LHFPL1: variants seen among roughly 807,000 people sequenced by gnomAD.
LHFPL1 encodes the protein LHFPL tetraspan subfamily member 1.
A neutral mutation model predicts 12.1 loss-of-function variants in LHFPL1; 4 were observed. The observed-to-expected ratio is 0.33, with a 90% CI of 0.16 to 0.76. The LOEUF (loss-of-function observed/expected upper bound fraction) is 0.76. Ranked by LOEUF, LHFPL1 falls within the 30% of genes least tolerant of loss-of-function variation. The pLI, the probability that LHFPL1 is intolerant of heterozygous loss-of-function variation, is 0.61. For synonymous variants in LHFPL1, 52 were observed against 61.9 expected (o/e 0.84, Z 0.75); for missense variants, 141 against 174.1 (o/e 0.81, Z 1.07).
chrX:112,671,169 A>AT lies in LHFPL1; in HGVS notation c.221dup (p.Asn74LysfsTer71), dbSNP rs757940843. On this transcript the variant is annotated frameshift_variant, in exon 2 of 4. Coordinates refer to ENST00000371968, the MANE Select transcript of LHFPL1 (RefSeq NM_178175.4). LOFTEE classifies it high-confidence loss of function. ...TCTGCCAGGCCAGGCTTGGGATGGC[A>AT]TTGAAGCTGGCATAGCGCCCACATT... The AT allele has an allele frequency of 1.3e-5, 16 of 1,210,919 alleles. No homozygotes were observed. In the East Asian group the frequency reaches 4.7e-4, roughly 36 times the overall value.
chrX:112,665,213 C>T (rs182639863), intron 2 of LHFPL1, among the ~76,000 whole-genome samples: 2 of 101,099 alleles, frequency 2.0e-5, no homozygotes, highest in Non-Finnish European at 2.0e-5. Flanking sequence ...TTTTTTGAGT[C>T]GGAGTCTCAC....
intron 3 of LHFPL1, among the ~76,000 whole-genome samples, chrX:112,658,379 C>A (rs1206442590): frequency 9.5e-6 from 1 of 104,964 alleles, no homozygotes; most frequent in East Asian, 2.9e-4. Flanking sequence ...GAGCAGAGAT[C>A]GCACCACTGC....
rs765071482 is a variant in LHFPL1, at chrX:112,641,194, G to A, written c.482-9593C>T. On this transcript the variant is annotated intron_variant, in intron 3 of 3. Transcript: ENST00000371968. ...ACTTTTCCAGGTCCAAGGTTCCTGG[G>A]TAATGACAAATGCCACAAATAATAC... Among the ~76,000 whole-genome samples, 4 of 111,589 alleles carry A rather than the reference G, an allele frequency of 3.6e-5. No homozygotes were observed. The South Asian group carries it at 1.5e-3, about 43-fold the overall frequency.
intron 2 of LHFPL1, among the ~76,000 whole-genome samples, chrX:112,669,287 G>A (rs1569367755): frequency 2.7e-5 from 3 of 112,256 alleles, no homozygotes; most frequent in South Asian, 3.7e-4. Flanking sequence ...TAATTATAGC[G>A]TGTTTAAAAA....
chrX:112,662,277 G>A (rs754802263), intron 2 of LHFPL1, among the ~76,000 whole-genome samples: 1 of 112,285 alleles, frequency 8.9e-6, no homozygotes, highest in South Asian at 3.7e-4. Context: ...AATGGTGAAT[G>A]AATAGCATAT....
At chrX:112,673,967 A>G (rs1931583788) in intron 1 of LHFPL1, among the ~76,000 whole-genome samples, 1 of 112,024 alleles carries the variant, frequency 8.9e-6, no homozygotes, top group African/African-American at 3.3e-5. Flanking sequence ...CCTCATGGAC[A>G]TCATCACCTG....
At chrX:112,652,958 C>G (rs929138897) in intron 3 of LHFPL1, among the ~76,000 whole-genome samples, 21 of 111,615 alleles carry the variant, frequency 1.9e-4, no homozygotes, top group South Asian at 3.8e-4. Context: ...TCTGGAGGCA[C>G]AGAGATGTAA....
chrX:112,677,237 T>C (rs1327574444), intron 1 of LHFPL1, among the ~76,000 whole-genome samples: 1 of 111,790 alleles, frequency 8.9e-6, no homozygotes, highest in Non-Finnish European at 1.9e-5. Flanking sequence ...AGCACTGCCT[T>C]TCCCAGGGTA....
At chrX:112,637,439 AAT>A (rs1213577873) in intron 3 of LHFPL1, among the ~76,000 whole-genome samples, 1 of 111,490 alleles carries the variant, frequency 9.0e-6, no homozygotes, top group Admixed American at 9.6e-5. Flanking sequence ...GCCCCAAACC[AAT>A]GCTTGTGGTG....
chrX:112,641,221 A>C (rs1472619354), intron 3 of LHFPL1, among the ~76,000 whole-genome samples: 1 of 111,222 alleles, frequency 9.0e-6, no homozygotes, highest in Non-Finnish European at 1.9e-5. Flanking sequence ...AAATAATACC[A>C]CCCAATATGA....
intron 2 of LHFPL1, among the ~76,000 whole-genome samples, chrX:112,666,896 G>A (rs1179328051): frequency 2.7e-5 from 3 of 111,454 alleles, no homozygotes; most frequent in Non-Finnish European, 5.6e-5. Flanking sequence ...AAATTCAAGA[G>A]CATCAGTGTA....
chrX:112,636,860 A>T (rs1171184218), intron 3 of LHFPL1, among the ~76,000 whole-genome samples: 1 of 111,584 alleles, frequency 9.0e-6, no homozygotes, highest in Non-Finnish European at 1.9e-5. Flanking sequence ...AAATGCACTG[A>T]CTCTACTTCC....
chrX:112,668,897 G>A (rs558092173), intron 2 of LHFPL1, among the ~76,000 whole-genome samples: 2 of 112,334 alleles, frequency 1.8e-5, no homozygotes, highest in African/African-American at 6.5e-5. Flanking sequence ...GATGGAGGCT[G>A]TTGCTAGGCT....
intron 3 of LHFPL1, among the ~76,000 whole-genome samples, chrX:112,660,347 C>T (rs1294479012): frequency 8.9e-6 from 1 of 112,345 alleles, no homozygotes; most frequent in African/African-American, 3.2e-5. Flanking sequence ...CAGAAGATGG[C>T]AGATTGTTAG....
chrX:112,675,312 G>C (rs1157295778), intron 1 of LHFPL1, among the ~76,000 whole-genome samples: 1 of 110,854 alleles, frequency 9.0e-6, no homozygotes, highest in African/African-American at 3.3e-5. Context: ...CCAGTAGGAG[G>C]GGCAGAGAAC....
intron 3 of LHFPL1, among the ~76,000 whole-genome samples, chrX:112,635,979 G>T (rs1385582563): frequency 2.7e-5 from 3 of 111,447 alleles, no homozygotes; most frequent in African/African-American, 9.8e-5. Context: ...GGAACGATAC[G>T]CTAGAGCAAG....
At chrX:112,663,536 G>A (rs1931249469) in intron 2 of LHFPL1, among the ~76,000 whole-genome samples, 1 of 111,474 alleles carries the variant, frequency 9.0e-6, no homozygotes. Context: ...AAAGGAAAAC[G>A]TTTTTGGACA....
chrX:112,676,023 C>G (rs1931645528), intron 1 of LHFPL1, among the ~76,000 whole-genome samples: 1 of 111,969 alleles, frequency 8.9e-6, no homozygotes, highest in East Asian at 2.8e-4. Flanking sequence ...GCCCAACTTC[C>G]CTTGTGGCTG....
intron 3 of LHFPL1, among the ~76,000 whole-genome samples, chrX:112,648,109 G>A (rs1267543678): frequency 9.5e-6 from 1 of 105,110 alleles, no homozygotes; most frequent in African/African-American, 3.5e-5. Context: ...TCACTCATAA[G>A]TGCTAGTTGA....
Sources: allele counts gnomAD v4.1 joint callset (sites outside exome capture counted in the v4.1 genomes callset), GRCh38; gene constraint gnomAD v4.1.1; transcripts MANE v1.5; gene names NCBI Gene and HGNC (gene_info 2026-07-23, HGNC 2026-07-21).